The following NUDT18 variants were observed in gnomAD, a reference collection of about 807,000 sequenced individuals.
NUDT18 encodes the protein 8-oxo-dGDP phosphatase NUDT18.
In NUDT18, 26 loss-of-function variants were observed where a neutral mutation model predicts 27.6. The ratio of observed to expected loss-of-function variants is 0.94; its 90% CI spans 0.69 to 1.31. The LOEUF is 1.31. Among genes scored for constraint, NUDT18 ranks in the 50% most tolerant of loss-of-function variants. The pLI is 0.00. For missense variants in NUDT18, 450 were observed against 433.4 expected (o/e 1.04, Z -0.34); for synonymous variants, 220 against 196.9 (o/e 1.12, Z -0.98).
Position 22,107,236 on chromosome 8 carries a change from AG to A in NUDT18, c.*63del. 1 of 1,293,600 alleles carries A rather than the reference AG, an allele frequency of 7.7e-7. No homozygotes were observed. Among genetic ancestry groups the A allele is most frequent in the South Asian group, 1.5e-5 (1 of 66,788 alleles). The allele number at this position is 1,293,600 out of a possible 1,614,324, so 80.1% of individuals were successfully genotyped here. On this transcript the variant is annotated 3_prime_UTR_variant, in exon 3 of 3. Transcript: ENST00000611621. ...ATCGCCAGCCTCTTGCCTCCCTCAGAGGGAGACAAGTCCGCACTGGAGGGAG... is the reference window on the plus strand; with the variant it reads ...ATCGCCAGCCTCTTGCCTCCCTCAGAGGAGACAAGTCCGCACTGGAGGGAG...
chr8:22,109,487 G>T, upstream of NUDT18: 1 of 523,076 alleles, frequency 1.9e-6, no homozygotes, highest in Non-Finnish European at 3.1e-6. Context: ...GCGCGGCGCC[G>T]CGGCCTGCCC....
chr8:22,107,236 A>G lies in NUDT18; in HGVS notation c.*64T>C, dbSNP rs912519821. On this transcript the variant is annotated 3_prime_UTR_variant, in exon 3 of 3. Coordinates refer to ENST00000611621, the MANE Select transcript of NUDT18 (RefSeq NM_024815.4). The stretch of plus-strand genomic sequence containing the variant: ...ATCGCCAGCCTCTTGCCTCCCTCAG[A>G]GGGAGACAAGTCCGCACTGGAGGGA... The G allele has an allele frequency of 4.6e-6, 6 of 1,293,482 alleles. No homozygotes were observed. The African/African-American group carries it at 9.1e-5, about 20-fold the overall frequency. The allele number at this position is 1,293,482 out of a possible 1,614,324, so 80.1% of individuals were successfully genotyped here.
chr8:22,110,313 C>T (rs1049565068), upstream of NUDT18, among the ~76,000 whole-genome samples: 3 of 152,280 alleles, frequency 2.0e-5, no homozygotes, highest in Non-Finnish European at 2.9e-5. Context: ...GCGCCTGCTC[C>T]TCTCCCAGCT....
In NUDT18 at chr8:22,108,134, T is replaced by TG; in HGVS notation, c.374dup (p.Gly126ArgfsTer33). 6.6e-7 allele frequency: 1 copy of TG among 1,517,706 alleles called. No individual in the cohort carries two copies. Among genetic ancestry groups the TG allele is most frequent in the Non-Finnish European group, 8.8e-7 (1 of 1,132,988 alleles). The allele number at this position is 1,517,706 out of a possible 1,614,324, so 94.0% of individuals were successfully genotyped here. A position where few individuals can be genotyped will look rare whatever the true frequency, so the allele number is the denominator to read the frequency against. ...ACACTGCCTCCAGGTGGGCCATACC[T>TG]GTGGGGCGAGCGAGGAACACGAAGC... On this transcript the variant is annotated frameshift_variant and splice_region_variant, in exon 2 of 3. Transcript: ENST00000611621. LOFTEE classifies it high-confidence loss of function.
At chr8:22,109,472 A>C (rs1488239947), upstream of NUDT18, 13 of 568,806 alleles carry the variant, frequency 2.3e-5, no homozygotes, top group South Asian at 3.6e-4. Context: ...GGCCGCTGAT[A>C]GGCTGCGCGG....
At chr8:22,108,653 G>A (rs1375026230) in intron 1 of NUDT18, among the ~76,000 whole-genome samples, 1 of 152,202 alleles carries the variant, frequency 6.6e-6, no homozygotes, top group Admixed American at 6.5e-5. Context: ...GGATTGATTT[G>A]CGTCTGTACC....
chr8:22,108,061 G>A lies in NUDT18; in HGVS notation c.376+72C>T, dbSNP rs549030843. The stretch of plus-strand genomic sequence containing the variant: ...CCATAACAGGACTGGCTGTAGAGGG[G>A]CTCACCTCACCGAGGAGCTGGGGGA... On this transcript the variant is annotated intron_variant, in intron 2 of 2. Transcript: ENST00000611621. 3,279 of 1,410,042 alleles carry A rather than the reference G, an allele frequency of 2.3e-3. 4 individuals are homozygous for A. The highest frequency in any genetic ancestry group is 2.7e-3 in the Non-Finnish European group (2,841 of 1,061,984). The allele number at this position is 1,410,042 out of a possible 1,614,324, so 87.3% of individuals were successfully genotyped here. A position where few individuals can be genotyped will look rare whatever the true frequency, so the allele number is the denominator to read the frequency against.
At chr8:22,108,832 C>T (rs1286898786) in intron 1 of NUDT18, among the ~76,000 whole-genome samples, 1 of 152,194 alleles carries the variant, frequency 6.6e-6, no homozygotes, top group Non-Finnish European at 1.5e-5. Flanking sequence ...GCATCAGCAC[C>T]AAAGGCCTGA....
Position 22,109,170 on chromosome 8 carries a change from T to C in NUDT18, c.131A>G (p.Tyr44Cys), listed in dbSNP as rs1222527359. ...GCTGAGGAACACGGCCAGCACCACG[T>C]AGCACACGTTCTTCCGCAGCCGCAC... ...APVRLRKNVC[Y>C]VVLAVFLSEQ... The change falls in exon 1 of 3, where the codon TAC becomes TGC. Residue 44 changes from tyrosine to cysteine, a missense_variant. Physicochemically the swap from Tyr to Cys is radical, Grantham distance 194. Coordinates refer to ENST00000611621, the MANE Select transcript of NUDT18 (RefSeq NM_024815.4). The C allele has an allele frequency of 4.1e-6, 6 of 1,455,310 alleles. No individual in the cohort carries two copies. Among genetic ancestry groups the C allele is most frequent in the Non-Finnish European group, 1.8e-6 (2 of 1,114,032 alleles). The allele number at this position is 1,455,310 out of a possible 1,614,324, so 90.1% of individuals were successfully genotyped here. A position where few individuals can be genotyped will look rare whatever the true frequency, so the allele number is the denominator to read the frequency against.
chr8:22,109,724 T>C, upstream of NUDT18: 1 of 458,550 alleles, frequency 2.2e-6, no homozygotes, highest in South Asian at 1.6e-5. Flanking sequence ...CAGGGCGCGT[T>C]GCGCCGCCGG....
Position 22,107,840 on chromosome 8 carries a change from C to T in NUDT18, c.432G>A (p.Trp144Ter). The T allele has an allele frequency of 6.2e-7, 1 of 1,608,502 alleles. No individual in the cohort carries two copies. The highest frequency in any genetic ancestry group is 8.5e-7 in the Non-Finnish European group (1 of 1,176,970). The change falls in exon 3 of 3, where the codon TGG becomes TGA. Residue 144 changes from tryptophan to a stop codon, truncating the protein, a stop_gained. Coordinates refer to ENST00000611621, the MANE Select transcript of NUDT18 (RefSeq NM_024815.4). LOFTEE classifies it high-confidence loss of function. ...EADAESLQAA[W>*]YPRTSLPTPL... ...GAGTGGGCAGGGAGGTCCGTGGGTA[C>T]CAGGCAGCCTGCAGGGACTCCGCAT...
chr8:22,107,058 T>A lies in NUDT18; in HGVS notation c.*242A>T. 2.1e-6 allele frequency: 1 copy of A among 472,564 alleles called. No homozygotes were observed. The highest frequency in any genetic ancestry group is 3.2e-5 in the South Asian group (1 of 31,500). 29.3% of individuals were successfully genotyped at this position (472,564 alleles called of 1,614,324 possible). A position where few individuals can be genotyped will look rare whatever the true frequency, so the allele number is the denominator to read the frequency against. ...CTCCCCATCCCCCTGGGAAGAGGCG[T>A]CAGCGTGCCCTCAGGGTAGTCAGGT... On this transcript the variant is annotated 3_prime_UTR_variant, in exon 3 of 3. Transcript: ENST00000611621.
chr8:22,107,552 C>A lies in NUDT18; in HGVS notation c.720G>T (p.Glu240Asp). ...MKMAVLRLLQ[E>D]CLTLHHLVVE... ...CCACCAAGTGGTGCAGGGTCAGACA[C>A]TCCTGCAGCAGCCGCAGGACGGCCA... The change falls in exon 3 of 3, where the codon GAG (glutamate) becomes GAT (aspartate). Residue 240 changes from glutamate to aspartate, a missense_variant. Glu to Asp is a conservative substitution (Grantham distance 45). Coordinates refer to ENST00000611621, the MANE Select transcript of NUDT18 (RefSeq NM_024815.4). The A allele has an allele frequency of 6.2e-7, 1 of 1,613,102 alleles. No homozygotes were observed. Among genetic ancestry groups the A allele is most frequent in the Non-Finnish European group, 8.5e-7 (1 of 1,179,882 alleles).
At chr8:22,109,422 C>T (rs1366188804), upstream of NUDT18, 3 of 390,248 alleles carry the variant, frequency 7.7e-6, no homozygotes, top group Non-Finnish European at 1.2e-5. Flanking sequence ...CTCACGAGAA[C>T]GCGGAAGCGC....
rs1222406304 is a variant in NUDT18 at position 22,108,272 on chromosome 8, C to T, written c.237G>A (p.Glu79=). Residue 79 remains glutamate, a synonymous_variant, in exon 2 of 3, where the codon GAG becomes GAA. Transcript: ENST00000611621. ...GSWYLPAGRM[E]PGETIVEALQ... ...GCGCCTCCACGATGGTCTCCCCTGG[C>T]TCCATTCTCCCCGCAGGCAGGTACC... 10 of 1,597,138 alleles carry T rather than the reference C, an allele frequency of 6.3e-6. No homozygotes were observed. The highest frequency in any genetic ancestry group is 1.7e-4 in the Middle Eastern group (1 of 6,038).
At position 22,107,552 on chromosome 8, in the gene NUDT18, C is replaced by T. The variant is rs752641741; in HGVS notation, c.720G>A (p.Glu240=). The change falls in exon 3 of 3, where the codon GAG becomes GAA. Residue 240 remains glutamate, a synonymous_variant. Transcript: ENST00000611621. ...CCACCAAGTGGTGCAGGGTCAGACA[C>T]TCCTGCAGCAGCCGCAGGACGGCCA... ...MKMAVLRLLQ[E]CLTLHHLVVE... is the part of the protein sequence containing the mutation. 2 of 1,613,102 alleles carry T rather than the reference C, an allele frequency of 1.2e-6. No homozygotes were observed. Among genetic ancestry groups the T allele is most frequent in the Non-Finnish European group, 1.7e-6 (2 of 1,179,882 alleles).
upstream of NUDT18, among the ~76,000 whole-genome samples, chr8:22,110,325 G>A (rs1308119646): frequency 1.3e-5 from 2 of 152,248 alleles, no homozygotes; most frequent in Non-Finnish European, 1.5e-5. Flanking sequence ...CTCCCAGCTC[G>A]GCCTTTCCTC....
chr8:22,107,688 G>A lies in NUDT18; in HGVS notation c.584C>T (p.Thr195Ile). The A allele has an allele frequency of 1.2e-6, 2 of 1,612,714 alleles. No homozygotes were observed. Among genetic ancestry groups the A allele is most frequent in the Non-Finnish European group, 1.7e-6 (2 of 1,179,396 alleles). The change falls in exon 3 of 3, where the codon ACC (threonine) becomes ATC (isoleucine). Residue 195 changes from threonine (T) to isoleucine (I), a missense_variant. Thr to Ile is a moderately conservative substitution (Grantham distance 89). Coordinates refer to ENST00000611621, the MANE Select transcript of NUDT18 (RefSeq NM_024815.4). ...CCACACTGTCTGGGCGCTGGTAAAG[G>A]TAGCCACGAGCCGCTGGCAGACCAG... ...CDLVCQRLVA[T>I]FTSAQTVWVL...
rs554001567 is a variant in NUDT18, at chr8:22,107,057, G to A, written c.*243C>T. Reference sequence around the variant, plus strand: ...GCTCCCCATCCCCCTGGGAAGAGGCGTCAGCGTGCCCTCAGGGTAGTCAGG... The same window carrying A: ...GCTCCCCATCCCCCTGGGAAGAGGCATCAGCGTGCCCTCAGGGTAGTCAGG... On this transcript the variant is annotated 3_prime_UTR_variant, in exon 3 of 3. Transcript: ENST00000611621. 1.3e-5 allele frequency: 6 copies of A among 471,706 alleles called. No homozygotes were observed. Among genetic ancestry groups the A allele is most frequent in the South Asian group, 3.2e-5 (1 of 31,560 alleles). 29.2% of individuals were successfully genotyped at this position (471,706 alleles called of 1,614,324 possible).
Sources: gnomAD v4.1 joint callset for allele counts (sites outside exome capture counted in the v4.1 genomes callset) on GRCh38, gnomAD v4.1.1 for gene constraint, MANE v1.5 for transcripts, NCBI Gene and HGNC (gene_info 2026-07-23, HGNC 2026-07-21) for gene names.